The following RPS6KA2 variants were observed in gnomAD, a reference collection of about 807,000 sequenced individuals.
RPS6KA2 encodes the protein ribosomal protein S6 kinase A2, also known as ribosomal protein S6 kinase alpha-2.
RPS6KA2 carries 42 observed loss-of-function variants against 91.8 expected under a neutral mutation model. The ratio of observed to expected loss-of-function variants is 0.46; its 90% CI spans 0.36 to 0.59. The LOEUF is 0.59. RPS6KA2 is among the 20% of genes least tolerant of loss of function. The probability of loss-of-function intolerance (pLI) is 0.00; values close to 1 mark genes in which losing one functional copy is unlikely to be tolerated. For synonymous variants in RPS6KA2, 414 were observed against 393.6 expected, an observed-to-expected ratio of 1.05 and a Z score of -0.61; for missense variants, 798 against 978.5, an observed-to-expected ratio of 0.82 and a Z score of 2.46.
At chr6:166,473,104 C>T (rs896836517) in intron 10 of RPS6KA2, among the ~76,000 whole-genome samples, 2 of 152,168 alleles carry the variant, frequency 1.3e-5, no homozygotes, top group Non-Finnish European at 1.5e-5. Flanking sequence ...TCTGTGTCTC[C>T]AATTGCTGTT....
chr6:166,706,011 G>C (rs1484939425), intron 2 of RPS6KA2, among the ~76,000 whole-genome samples: 4 of 152,310 alleles, frequency 2.6e-5, no homozygotes, highest in African/African-American at 9.6e-5. Flanking sequence ...TTGGCAAGAA[G>C]GCACTGTCTG....
chr6:166,824,533 T>C (rs1310899862), intron 2 of RPS6KA2, among the ~76,000 whole-genome samples: 2 of 152,116 alleles, frequency 1.3e-5, no homozygotes, highest in Non-Finnish European at 1.5e-5. Flanking sequence ...CATGAGGGCA[T>C]GTGTGTGTGA....
chr6:166,826,743 G>A (rs1387068983), intron 2 of RPS6KA2, among the ~76,000 whole-genome samples: 1 of 152,116 alleles, frequency 6.6e-6, no homozygotes, highest in Non-Finnish European at 1.5e-5. Context: ...GACCCTATAA[G>A]AGGGACATAT....
At chr6:166,710,511 G>T (rs949128814) in intron 2 of RPS6KA2, among the ~76,000 whole-genome samples, 1 of 142,312 alleles carries the variant, frequency 7.0e-6, no homozygotes, top group Non-Finnish European at 1.6e-5. Context: ...TGTGTGTGTG[G>T]TGTGTGTGTG....
At chr6:166,613,291 G>A (rs1224367286) in intron 1 of RPS6KA2, among the ~76,000 whole-genome samples, 1 of 152,244 alleles carries the variant, frequency 6.6e-6, no homozygotes, top group Non-Finnish European at 1.5e-5. Context: ...GGGTGCAAGA[G>A]CTAGGAGCAG....
intron 19 of RPS6KA2, among the ~76,000 whole-genome samples, chr6:166,414,338 A>G (rs1262740137): frequency 1.3e-5 from 2 of 152,206 alleles, no homozygotes; most frequent in Non-Finnish European, 2.9e-5. Context: ...TATCAGGACT[A>G]CCCATAAATA....
chr6:166,678,026 T>C (rs1001363162), intron 2 of RPS6KA2, among the ~76,000 whole-genome samples: 4 of 152,234 alleles, frequency 2.6e-5, no homozygotes, highest in African/African-American at 9.6e-5. Flanking sequence ...AAATAAGTCA[T>C]TTTTAAAGCT....
intron 3 of RPS6KA2, among the ~76,000 whole-genome samples, chr6:166,526,665 T>A (rs1001478268): frequency 5.9e-5 from 9 of 152,188 alleles, no homozygotes; most frequent in Non-Finnish European, 8.8e-5. Flanking sequence ...CTCATTTTCA[T>A]AGCATAAAAA....
At chr6:166,794,925 A>G (rs1779185724) in intron 2 of RPS6KA2, among the ~76,000 whole-genome samples, 1 of 152,012 alleles carries the variant, frequency 6.6e-6, no homozygotes, top group Admixed American at 6.5e-5. Flanking sequence ...GTGCAGCAAC[A>G]CCAACATGGC....
intron 2 of RPS6KA2, among the ~76,000 whole-genome samples, chr6:166,815,396 TA>T (rs1779736690): frequency 6.6e-6 from 1 of 152,192 alleles, no homozygotes. Flanking sequence ...AAAGAATGAA[TA>T]TTTTTTTCAT....
rs1787359659 is a variant in RPS6KA2, at chr6:166,639,472, G to A, written c.124-100688C>T. The stretch of plus-strand genomic sequence containing the variant: ...CAACCCACCTGTGGTCCTGCCACCA[G>A]CCTGATCCTTCTAGAAGCGAATCTG... On this transcript the variant is annotated intron_variant, in intron 2 of 21. Transcript: ENST00000503859. The surrounding 1 kb of genome is among the most constrained non-coding windows in gnomAD (Gnocchi z 4.2). Among the ~76,000 whole-genome samples, 1 of 152,196 alleles carries A rather than the reference G, an allele frequency of 6.6e-6. No homozygotes were observed. Among genetic ancestry groups the A allele is most frequent in the Admixed American group, 6.5e-5 (1 of 15,276 alleles).
chr6:166,771,004 C>A, intron 2 of RPS6KA2: 1 of 1,027,130 alleles, frequency 9.7e-7, no homozygotes, highest in Non-Finnish European at 1.4e-6. Context: ...TACTACCATA[C>A]TCACCAGGCC....
intron 2 of RPS6KA2, among the ~76,000 whole-genome samples, chr6:166,762,230 C>A (rs549672721): frequency 6.6e-6 from 1 of 152,216 alleles, no homozygotes; most frequent in Admixed American, 6.5e-5. Flanking sequence ...CTCCCTCAGT[C>A]TCCCCACATT....
rs866505531 is a variant in RPS6KA2 at position 166,459,431 on chromosome 6, A to T, written c.1075+18T>A. ...GGTGGGAGAAGCCACCGATAGAGGG[A>T]ACCACTGTGGCACACACCTGTGGGC... is the stretch of plus-strand genomic sequence containing the variant. On this transcript the variant is annotated intron_variant, in intron 12 of 20. Transcript: ENST00000265678. This position sits in a 1 kb window ranked among gnomAD's most constrained non-coding sequence, Gnocchi z 4.9. 6.3e-7 allele frequency: 1 copy of T among 1,575,224 alleles called. No individual in the cohort carries two copies.
intron 2 of RPS6KA2, among the ~76,000 whole-genome samples, chr6:166,655,086 A>G (rs114986840): frequency 2.3e-3 from 355 of 152,320 alleles, no homozygotes; most frequent in Middle Eastern, 6.8e-3. Context: ...CAAACTTTAC[A>G]ACTATTTCAC....
intron 2 of RPS6KA2, among the ~76,000 whole-genome samples, chr6:166,830,986 G>C (rs1240753254): frequency 2.6e-5 from 4 of 152,196 alleles, no homozygotes; most frequent in African/African-American, 7.2e-5. Flanking sequence ...CTGTGGTTGG[G>C]GAGTTTCTTC....
At chr6:166,853,584 G>A (rs12216502) in intron 2 of RPS6KA2, among the ~76,000 whole-genome samples, 21,370 of 152,264 alleles carry the variant, frequency 0.14, 1,756 homozygotes, top group Non-Finnish European at 0.17. Flanking sequence ...GGCTGGCCGA[G>A]CGCAGCCGCC....
intron 2 of RPS6KA2, among the ~76,000 whole-genome samples, chr6:166,723,402 A>C (rs1790237928): frequency 6.6e-6 from 1 of 151,966 alleles, no homozygotes; most frequent in African/African-American, 2.4e-5. Flanking sequence ...CGCCTTCCTT[A>C]CCCCTGGGGG....
At chr6:166,750,888 T>TC (rs1791260404) in intron 2 of RPS6KA2, among the ~76,000 whole-genome samples, 1 of 152,184 alleles carries the variant, frequency 6.6e-6, no homozygotes, top group Non-Finnish European at 1.5e-5. Context: ...GGCTAAGACA[T>TC]CCCTCTTGCT....
Sources: gnomAD v4.1 joint callset for allele counts (sites outside exome capture counted in the v4.1 genomes callset) on GRCh38, gnomAD v4.1.1 for gene constraint, Gnocchi (gnomAD v3.1) non-coding constraint, MANE v1.5 for transcripts, NCBI Gene and HGNC (gene_info 2026-07-23, HGNC 2026-07-21) for gene names.